SCAP: variants seen among roughly 807,000 people sequenced by gnomAD.
SCAP encodes the protein SREBF chaperone.
A neutral mutation model predicts 123.6 loss-of-function variants in SCAP; 65 were observed. The ratio of observed to expected loss-of-function variants is 0.53; its 90% CI spans 0.43 to 0.65. The LOEUF (loss-of-function observed/expected upper bound fraction) is 0.65, where lower values mean the gene tolerates loss of function less well. Among genes scored for constraint, SCAP ranks in the 30% least tolerant of loss-of-function variants. The pLI, the probability that SCAP is intolerant of heterozygous loss-of-function variation, is 0.00. For missense variants in SCAP, 1,398 were observed against 1,712.5 expected (o/e 0.82, Z 3.24); for synonymous variants, 740 against 726.3 (o/e 1.02, Z -0.30).
chr3:47,443,205 G>A, intron 1 of SCAP, 114 bp from the exon 2 acceptor site: 1 of 584,356 alleles, frequency 1.7e-6, no homozygotes. Context: ...ATGCCTATAT[G>A]CAAGGTCTAG....
In SCAP at chr3:47,422,537, C is replaced by T. The variant is rs772352627; in HGVS notation, c.1151-1G>A. On this transcript the variant is annotated splice_acceptor_variant, in intron 9 of 22. Transcript: ENST00000265565. LOFTEE classifies it high-confidence loss of function. Reference sequence around the variant, plus strand: ...ATGGACCAGCTCTCGCTGCTTAGGCCTGCAGAGGGCAGCAACAGGGCACAG... The same window carrying T: ...ATGGACCAGCTCTCGCTGCTTAGGCTTGCAGAGGGCAGCAACAGGGCACAG... The T allele has an allele frequency of 1.9e-6, 3 of 1,610,308 alleles. No homozygotes were observed. The highest frequency in any genetic ancestry group is 1.7e-6 in the Non-Finnish European group (2 of 1,177,612).
At chr3:47,461,774 T>C (rs1321161699) in intron 1 of SCAP, among the ~76,000 whole-genome samples, 1 of 152,154 alleles carries the variant, frequency 6.6e-6, no homozygotes, top group Non-Finnish European at 1.5e-5. Flanking sequence ...TGGCTCACTC[T>C]TATAATCCTA....
chr3:47,431,186 A>G (rs1474114981), intron 3 of SCAP, among the ~76,000 whole-genome samples: 1 of 151,270 alleles, frequency 6.6e-6, no homozygotes, highest in Non-Finnish European at 1.5e-5. Context: ...CACAGGTCTG[A>G]GCAGGAAAGG....
intron 18 of SCAP, among the ~76,000 whole-genome samples, chr3:47,416,577 G>A (rs147804004): frequency 1.1e-3 from 166 of 148,530 alleles, no homozygotes; most frequent in African/African-American, 4.0e-3. Context: ...AGGTCACCAT[G>A]TGCCATGCCC....
rs914298446 is a variant in SCAP, at chr3:47,425,525, G to A, written c.997C>T (p.Leu333Phe). Residue 333 changes from leucine to phenylalanine, a missense_variant, in exon 8 of 23, where the codon CTC becomes TTC. Physicochemically the swap from Leu to Phe is conservative, Grantham distance 22. Around this residue, in one of 7 missense-constraint regions of SCAP, gnomAD observed 319 missense variants for 432.4 expected, o/e 0.74. Coordinates refer to ENST00000265565, the MANE Select transcript of SCAP (RefSeq NM_012235.4). ...GGCGTCAGGCCGAAGAGTGTGCAGA[G>A]TCCCACAGACATGAGCAGCGAGCTG... is the stretch of plus-strand genomic sequence containing the variant. ...VLSSLLMSVG[L>F]CTLFGLTPTL... is the part of the protein sequence containing the mutation. The A allele has an allele frequency of 9.9e-6, 16 of 1,613,916 alleles. No individual in the cohort carries two copies. Among genetic ancestry groups the A allele is most frequent in the Non-Finnish European group, 1.4e-5 (16 of 1,180,054 alleles).
chr3:47,442,742 G>T (rs1183851527), intron 2 of SCAP, 130 bp downstream of exon 2: 1 of 777,074 alleles, frequency 1.3e-6, no homozygotes, highest in Non-Finnish European at 2.1e-6. Context: ...TCCACTCACA[G>T]TTATAAGGAG....
chr3:47,466,935 CA>C (rs1049552759), intron 1 of SCAP, among the ~76,000 whole-genome samples: 10 of 150,952 alleles, frequency 6.6e-5, no homozygotes, highest in Non-Finnish European at 7.4e-5. Flanking sequence ...AAAATAAATA[CA>C]AAAAAAATTA....
At chr3:47,430,608 C>T (rs897142620) in intron 3 of SCAP, among the ~76,000 whole-genome samples, 7 of 152,190 alleles carry the variant, frequency 4.6e-5, no homozygotes, top group African/African-American at 1.2e-4. Flanking sequence ...TAGACTGAAG[C>T]CTGACTGAGC....
At chr3:47,458,936 G>C (rs1707528266) in intron 1 of SCAP, among the ~76,000 whole-genome samples, 1 of 152,206 alleles carries the variant, frequency 6.6e-6, no homozygotes, top group Non-Finnish European at 1.5e-5. Context: ...CTCGCAAGTA[G>C]CTGGGATTAC....
intron 2 of SCAP, among the ~76,000 whole-genome samples, chr3:47,437,059 A>C (rs1195503545): frequency 6.6e-6 from 1 of 152,224 alleles, no homozygotes; most frequent in African/African-American, 2.4e-5. Context: ...TTTTGGATAC[A>C]TACTAGTCCA....
chr3:47,419,750 C>T lies in SCAP; in HGVS notation c.1564-46G>A. The T allele has an allele frequency of 6.6e-7, 1 of 1,506,192 alleles. No individual in the cohort carries two copies. The allele number at this position is 1,506,192 out of a possible 1,614,324, so 93.3% of individuals were successfully genotyped here. On this transcript the variant is annotated intron_variant, in intron 12 of 22. Transcript: ENST00000265565. This position sits in a 1 kb window ranked among gnomAD's most constrained non-coding sequence, Gnocchi z 5.0. Reference sequence around the variant, plus strand: ...CTCAGTGGGAGGAATGGGCCCCAACCCCCAGCAGCTTCAGCCCTCATGCTG... The same window carrying T: ...CTCAGTGGGAGGAATGGGCCCCAACTCCCAGCAGCTTCAGCCCTCATGCTG...
intron 21 of SCAP, 74 bp from the exon 22 acceptor site, chr3:47,414,460 A>G: frequency 6.2e-7 from 1 of 1,601,152 alleles, no homozygotes; most frequent in Non-Finnish European, 8.5e-7. Flanking sequence ...CCTGTGCCCC[A>G]GTGGGTGGGG....
At chr3:47,443,233 TACACACACACAC>T (rs60723433) in intron 1 of SCAP, 142 bp from the exon 2 acceptor site, 1,394 of 104,550 alleles carry the variant, frequency 0.013, 8 homozygotes, top group East Asian at 0.022. Context: ...AATCCCAAAA[TACACACACACAC>T]ACACACACAC....
At chr3:47,459,411 T>C (rs923417239) in intron 1 of SCAP, among the ~76,000 whole-genome samples, 15 of 152,224 alleles carry the variant, frequency 9.9e-5, no homozygotes, top group African/African-American at 3.6e-4. Flanking sequence ...GCGTTACTAC[T>C]TCAATATTAG....
intron 1 of SCAP, among the ~76,000 whole-genome samples, chr3:47,473,833 G>C (rs1458838819): frequency 6.6e-6 from 1 of 152,054 alleles, no homozygotes; most frequent in Non-Finnish European, 1.5e-5. Context: ...CATTTTTCTA[G>C]TAATAAACTT....
Position 47,413,911 on chromosome 3 carries a change from G to A in SCAP, c.3783C>T (p.Asn1261=). 5 of 1,613,262 alleles carry A rather than the reference G, an allele frequency of 3.1e-6. No homozygotes were observed. The highest frequency in any genetic ancestry group is 4.2e-6 in the Non-Finnish European group (5 of 1,180,032). Residue 1261 remains asparagine, a synonymous_variant, in exon 23 of 23, where the codon AAC becomes AAT. Transcript: ENST00000265565. ...ACACCAGGCTGAGCTCACTGCCAAAGTTGCAGACAATGGCAGCGTTGTCCA... is the reference window on the plus strand; with the variant it reads ...ACACCAGGCTGAGCTCACTGCCAAAATTGCAGACAATGGCAGCGTTGTCCA... The part of the protein sequence containing the change: ...LVLDNAAIVC[N]FGSELSLVYV...
chr3:47,418,965 C>T, intron 13 of SCAP, 122 bp from the exon 14 acceptor site: 1 of 1,093,110 alleles, frequency 9.1e-7, no homozygotes, highest in Non-Finnish European at 1.3e-6. Flanking sequence ...CAGACTCTCC[C>T]AGCATGGGGG....
chr3:47,429,265 C>T (rs368256276), intron 3 of SCAP, among the ~76,000 whole-genome samples: 5 of 152,378 alleles, frequency 3.3e-5, no homozygotes, highest in South Asian at 2.1e-4. Context: ...CATTGGGCAG[C>T]GAGCCTCTTT....
intron 18 of SCAP, 47 bp from the exon 19 acceptor site, chr3:47,415,227 G>T: frequency 1.3e-6 from 2 of 1,546,440 alleles, no homozygotes; most frequent in South Asian, 1.2e-5. Flanking sequence ...TAGAGCCCCA[G>T]CCCTGGGGCT....
Sources: allele counts gnomAD v4.1 joint callset (sites outside exome capture counted in the v4.1 genomes callset), GRCh38; gene constraint gnomAD v4.1.1; regional missense constraint gnomAD v4.1.1; non-coding constraint Gnocchi (gnomAD v3.1); transcripts MANE v1.5; gene names NCBI Gene and HGNC (gene_info 2026-07-23, HGNC 2026-07-21).